RP1: variants seen among roughly 807,000 people sequenced by gnomAD.
RP1 encodes the protein RP1 axonemal microtubule associated.
Under a neutral mutation model 14.8 loss-of-function variants are expected in RP1, and 16 were observed. The ratio of observed to expected loss-of-function variants is 1.08; its 90% CI spans 0.73 to 1.65. The LOEUF (loss-of-function observed/expected upper bound fraction) is 1.65, where lower values mean the gene tolerates loss of function less well. Among genes scored for constraint, RP1 ranks in the 40% most tolerant of loss-of-function variants. The pLI is 0.00. For synonymous variants in RP1, 876 were observed against 883.6 expected (o/e 0.99, Z 0.15); for missense variants, 2,631 against 2,535.0 (o/e 1.04, Z -0.81).
intron 17 of RP1, among the ~76,000 whole-genome samples, chr8:54,730,757 T>G (rs1808775369): frequency 6.6e-6 from 1 of 152,102 alleles, no homozygotes; most frequent in Non-Finnish European, 1.5e-5. Context: ...CTGTGTTAGT[T>G]ATCTCTACCA....
At chr8:54,561,956 A>T (rs1250315394) in intron 1 of RP1, 1 of 152,242 alleles carries the variant, frequency 6.6e-6, no homozygotes, top group Admixed American at 6.5e-5. Context: ...AGGTATTTCA[A>T]ATTTTTGTAG....
chr8:54,839,019 A>G (rs1563392093), intron 25 of RP1, among the ~76,000 whole-genome samples: 1 of 152,172 alleles, frequency 6.6e-6, no homozygotes, highest in Non-Finnish European at 1.5e-5. Context: ...CAATAATTCC[A>G]CAAGAAATAC....
At chr8:54,559,254 C>T (rs1242866813) in exon 1 of RP1, 1 of 152,190 alleles carries the variant, frequency 6.6e-6, no homozygotes, top group African/African-American at 2.4e-5. Context: ...TTCCACGCTC[C>T]AGCTCTCTTC....
At chr8:54,719,183 C>T (rs1475797193) in intron 15 of RP1, among the ~76,000 whole-genome samples, 1 of 152,094 alleles carries the variant, frequency 6.6e-6, no homozygotes, top group African/African-American at 2.4e-5. Flanking sequence ...TATGGTGCCC[C>T]TCCACCTGAA....
At chr8:54,773,865 T>C (rs1809970809), downstream of RP1, among the ~76,000 whole-genome samples, 1 of 152,202 alleles carries the variant, frequency 6.6e-6, no homozygotes. Context: ...CATTTATTTA[T>C]AGGCAATGCT....
chr8:54,749,026 T>C (rs1809296288), intron 19 of RP1, among the ~76,000 whole-genome samples: 1 of 152,182 alleles, frequency 6.6e-6, no homozygotes, highest in Non-Finnish European at 1.5e-5. Flanking sequence ...TTGTTGACTC[T>C]GGTTCTATAT....
In RP1 at chr8:54,585,139, C is replaced by T. The variant is rs1257097415; in HGVS notation, c.-13+25819C>T. ...GGCGTGTTTTTGCAGTGGTTGGTAC[C>T]GGTTGTTTCCATGTTCAGTGCTTCC... is the stretch of plus-strand genomic sequence containing the variant. On this transcript the variant is annotated intron_variant, in intron 1 of 22. Coordinates refer to the RP1 transcript ENST00000636932. Among the ~76,000 whole-genome samples, 7 of 151,926 alleles carry T rather than the reference C, an allele frequency of 4.6e-5. No homozygotes were observed. In the South Asian group the frequency reaches 1.2e-3, roughly 27 times the overall value.
At chr8:54,846,850 C>T (rs1026335049) in intron 25 of RP1, among the ~76,000 whole-genome samples, 1 of 152,156 alleles carries the variant, frequency 6.6e-6, no homozygotes, top group Non-Finnish European at 1.5e-5. Flanking sequence ...TCACCTCCTC[C>T]CTCATTGGTA....
Position 54,627,267 on chromosome 8 carries a change from C to T in RP1, c.3385C>T (p.Leu1129Phe), listed in dbSNP as rs758081532. 4 of 1,614,104 alleles carry T rather than the reference C, an allele frequency of 2.5e-6. No individual in the cohort carries two copies. In the South Asian group the frequency reaches 4.4e-5, roughly 18 times the overall value. The change falls in exon 4 of 4, where the codon CTT (leucine) becomes TTT (phenylalanine). Residue 1129 changes from leucine to phenylalanine, a missense_variant. Physicochemically the swap from Leu to Phe is conservative, Grantham distance 22. Transcript: ENST00000220676. Reference sequence around the variant, plus strand: ...AATATGTAATTCATCCACTAATCTCCTTCTAGCTTGGCTCTTGGTGCTAAA... The same window carrying T: ...AATATGTAATTCATCCACTAATCTCTTTCTAGCTTGGCTCTTGGTGCTAAA... ...SAICNSSTNLLLAWLLVLNLK... is the reference protein window; with the variant it reads ...SAICNSSTNLFLAWLLVLNLK...
At chr8:54,804,344 A>T (rs1178547294) in intron 24 of RP1, among the ~76,000 whole-genome samples, 1 of 152,208 alleles carries the variant, frequency 6.6e-6, no homozygotes, top group East Asian at 1.9e-4. Flanking sequence ...ACAGCCAGAC[A>T]CTATTCCAAA....
intron 27 of RP1, among the ~76,000 whole-genome samples, chr8:54,857,644 G>T (rs1164943649): frequency 6.6e-6 from 1 of 152,064 alleles, no homozygotes; most frequent in Non-Finnish European, 1.5e-5. Context: ...GTGTGTGCAT[G>T]CATGTGTGCA....
intron 24 of RP1, among the ~76,000 whole-genome samples, chr8:54,828,526 T>C (rs1019099763): frequency 6.6e-6 from 1 of 152,182 alleles, no homozygotes; most frequent in Admixed American, 6.5e-5. Context: ...AGTAGAAGCT[T>C]CCTGAAACCC....
chr8:54,818,681 G>A (rs909468483), intron 24 of RP1, among the ~76,000 whole-genome samples: 1 of 152,144 alleles, frequency 6.6e-6, no homozygotes, highest in African/African-American at 2.4e-5. Context: ...TGAGTCTTAG[G>A]GTTTATGCCC....
At chr8:54,691,623 A>G (rs1392054941) in intron 12 of RP1, among the ~76,000 whole-genome samples, 4 of 151,996 alleles carry the variant, frequency 2.6e-5, no homozygotes, top group Non-Finnish European at 5.9e-5. Flanking sequence ...AAGAAGAGGC[A>G]TGAGAACGGT....
intron 24 of RP1, among the ~76,000 whole-genome samples, chr8:54,825,827 G>A (rs189429852): frequency 2.0e-4 from 31 of 152,176 alleles, no homozygotes; most frequent in African/African-American, 7.5e-4. Flanking sequence ...ATTCCACTGT[G>A]GGGGGCAGAG....
At chr8:54,847,520 C>T (rs1563394927) in intron 25 of RP1, among the ~76,000 whole-genome samples, 1 of 152,208 alleles carries the variant, frequency 6.6e-6, no homozygotes, top group African/African-American at 2.4e-5. Context: ...GAAAGCAGGG[C>T]TTTGTTCTGG....
At chr8:54,720,160 T>C (rs1159675177) in exon 16 of RP1, 1 of 1,534,982 alleles carries the variant, frequency 6.5e-7, no homozygotes. Context: ...CATTTTAAAA[T>C]TAAGAAGAAC....
Position 54,630,278 on chromosome 8 carries a change from T to C in RP1, c.6396T>C (p.Asn2132=), listed in dbSNP as rs564188986. 3 of 1,613,674 alleles carry C rather than the reference T, an allele frequency of 1.9e-6. No individual in the cohort carries two copies. In the East Asian group the frequency reaches 6.7e-5, roughly 36 times the overall value. ...AACTTTGTATGTTTGAGGGTGAAAA[T>C]CTTTTCATTTGGGAAGAGGAAGACA... ...ILELCMFEGE[N]LFIWEEEDIL... is the part of the protein sequence containing the mutation. Residue 2132 remains asparagine (N), a synonymous_variant, in exon 4 of 4, where the codon AAT becomes AAC. Transcript: ENST00000220676.
intron 25 of RP1, among the ~76,000 whole-genome samples, chr8:54,849,860 T>TA (rs1330483071): frequency 2.6e-5 from 4 of 151,762 alleles, no homozygotes; most frequent in Non-Finnish European, 2.9e-5. Flanking sequence ...TAATAAATAA[T>TA]AAAAAAATAA....
Sources: allele counts gnomAD v4.1 joint callset (sites outside exome capture counted in the v4.1 genomes callset), GRCh38; gene constraint gnomAD v4.1.1; transcripts MANE v1.5; gene names NCBI Gene and HGNC (gene_info 2026-07-23, HGNC 2026-07-21).